Variants in RPS6KA2 observed in about 807,000 individuals in gnomAD.
RPS6KA2 encodes ribosomal protein S6 kinase alpha-2.
In RPS6KA2, 42 loss-of-function variants were observed where a neutral mutation model predicts 91.8. The observed-to-expected ratio is 0.46, with a 90% CI of 0.36 to 0.59. The LOEUF (loss-of-function observed/expected upper bound fraction) is 0.59. RPS6KA2 is among the 20% of genes least tolerant of loss of function. The probability of loss-of-function intolerance (pLI) is 0.00; values close to 1 mark genes in which losing one functional copy is unlikely to be tolerated. For missense variants in RPS6KA2, 798 were observed against 978.5 expected (o/e 0.82, Z 2.46); for synonymous variants, 414 against 393.6 (o/e 1.05, Z -0.61).
chr6:166,555,794 C>T (rs1417704554), intron 1 of RPS6KA2, among the ~76,000 whole-genome samples: 1 of 152,166 alleles, frequency 6.6e-6, no homozygotes, highest in Non-Finnish European at 1.5e-5. Flanking sequence ...CCAGATAGGT[C>T]CTTCATCTGG....
intron 1 of RPS6KA2, among the ~76,000 whole-genome samples, chr6:166,583,659 G>C (rs544078336): frequency 6.6e-6 from 1 of 152,302 alleles, no homozygotes; most frequent in East Asian, 1.9e-4. Context: ...ATTCCTGAGT[G>C]CTTATTAAAG....
At position 166,432,826 on chromosome 6, in the gene RPS6KA2, C is replaced by A. The variant is rs931034251; in HGVS notation, c.1333-336G>T. On this transcript the variant is annotated intron_variant, in intron 14 of 20. Transcript: ENST00000265678. ...CTTGGCTAACATGACAAAACCTGGT[C>A]TCTACTAAAAATACAAATATTAGCC... Among the ~76,000 whole-genome samples the A allele has an allele frequency of 4.6e-5, 7 of 151,966 alleles. No homozygotes were observed. In the East Asian group the frequency reaches 1.3e-3, roughly 29 times the overall value.
At chr6:166,839,803 C>A (rs1252698866) in intron 2 of RPS6KA2, among the ~76,000 whole-genome samples, 1 of 150,220 alleles carries the variant, frequency 6.7e-6, no homozygotes, top group Non-Finnish European at 1.5e-5. Flanking sequence ...CTCCCTTGGG[C>A]TTCCACAAGG....
At chr6:166,697,099 G>GTA (rs1789382193) in intron 2 of RPS6KA2, among the ~76,000 whole-genome samples, 1 of 81,172 alleles carries the variant, frequency 1.2e-5, no homozygotes, top group Non-Finnish European at 2.4e-5. Flanking sequence ...GTGTGTATAT[G>GTA]TGTGTGTGTA....
chr6:166,650,345 G>T (rs1234202236), intron 2 of RPS6KA2, among the ~76,000 whole-genome samples: 4 of 152,002 alleles, frequency 2.6e-5, no homozygotes, highest in Non-Finnish European at 1.5e-5. Flanking sequence ...CAGGAACTGG[G>T]GTAGCAAGAA....
intron 3 of RPS6KA2, among the ~76,000 whole-genome samples, chr6:166,524,327 T>G (rs1018009730): frequency 6.6e-6 from 1 of 152,174 alleles, no homozygotes; most frequent in East Asian, 1.9e-4. Flanking sequence ...AGAAAAATCA[T>G]CATTACCAAG....
chr6:166,701,061 C>A, intron 2 of RPS6KA2: 1 of 1,470,632 alleles, frequency 6.8e-7, no homozygotes, highest in South Asian at 1.1e-5. Context: ...TTTGGTTTGG[C>A]ATCTGCCTCC....
intron 2 of RPS6KA2, among the ~76,000 whole-genome samples, chr6:166,696,400 C>T (rs1789360262): frequency 6.6e-6 from 1 of 152,178 alleles, no homozygotes; most frequent in African/African-American, 2.4e-5. Flanking sequence ...CCTGGACTTA[C>T]CTTCTGAGCT....
intron 1 of RPS6KA2, among the ~76,000 whole-genome samples, chr6:166,591,233 T>C (rs1446425404): frequency 2.0e-5 from 3 of 151,936 alleles, no homozygotes; most frequent in African/African-American, 7.3e-5. Context: ...TGGGGGCACC[T>C]CGGAAAGATG....
At chr6:166,514,870 G>T (rs1250194249) in intron 3 of RPS6KA2, among the ~76,000 whole-genome samples, 1 of 152,218 alleles carries the variant, frequency 6.6e-6, no homozygotes, top group African/African-American at 2.4e-5. Flanking sequence ...GACTGGTGGA[G>T]AAATTAGCCA....
intron 2 of RPS6KA2, among the ~76,000 whole-genome samples, chr6:166,640,661 G>T (rs1787401539): frequency 6.6e-6 from 1 of 152,218 alleles, no homozygotes; most frequent in Non-Finnish European, 1.5e-5. Flanking sequence ...AAGTGTGGCT[G>T]GTCCGATAGT....
At chr6:166,791,074 C>T (rs372369648) in intron 2 of RPS6KA2, among the ~76,000 whole-genome samples, 1 of 152,034 alleles carries the variant, frequency 6.6e-6, no homozygotes, top group South Asian at 2.1e-4. Context: ...CTGGCAAATT[C>T]GATAAAGAGT....
chr6:166,504,716 G>A, intron 5 of RPS6KA2, 104 bp from the exon 6 acceptor site: 1 of 773,866 alleles, frequency 1.3e-6, no homozygotes, highest in East Asian at 2.6e-5. Flanking sequence ...CCACACTGGG[G>A]TCAGTTTGCT....
chr6:166,785,347 G>C (rs550586991), intron 2 of RPS6KA2, among the ~76,000 whole-genome samples: 1 of 152,316 alleles, frequency 6.6e-6, no homozygotes, highest in East Asian at 1.9e-4. Flanking sequence ...CTCCTCCCTA[G>C]GTCGCTGGCT....
chr6:166,853,058 T>A (rs1780787573), intron 2 of RPS6KA2, among the ~76,000 whole-genome samples: 1 of 152,222 alleles, frequency 6.6e-6, no homozygotes. Context: ...CAATAACACC[T>A]GGATCTGGTT....
At chr6:166,578,753 C>A (rs553734068) in intron 1 of RPS6KA2, among the ~76,000 whole-genome samples, 1 of 152,212 alleles carries the variant, frequency 6.6e-6, no homozygotes, top group African/African-American at 2.4e-5. Context: ...CTGGAGCAGG[C>A]CTACTCAATC....
At chr6:166,804,400 G>A (rs1456014396) in intron 2 of RPS6KA2, among the ~76,000 whole-genome samples, 1 of 151,722 alleles carries the variant, frequency 6.6e-6, no homozygotes, top group Non-Finnish European at 1.5e-5. Flanking sequence ...TAAATACTCA[G>A]TGGATTCACA....
intron 2 of RPS6KA2, among the ~76,000 whole-genome samples, chr6:166,857,014 A>G (rs543468426): frequency 1.3e-5 from 2 of 152,196 alleles, no homozygotes; most frequent in East Asian, 1.9e-4. Flanking sequence ...AATGCACAGA[A>G]CCGAAAGGCA....
rs1778441797 is a variant in RPS6KA2, at chr6:166,770,678, C to G, written c.123+87522G>C. On this transcript the variant is annotated intron_variant, in intron 2 of 21. Coordinates refer to the RPS6KA2 transcript ENST00000503859. This position sits in a 1 kb window ranked among gnomAD's most constrained non-coding sequence, Gnocchi z 5.1. The stretch of plus-strand genomic sequence containing the variant: ...AAGCACTCGGATTCCCCACAGGATG[C>G]CAAAAAATTCACATTTTCCTGTGGA... 1.3e-5 allele frequency among the ~76,000 whole-genome samples: 2 copies of G among 152,130 alleles called. No homozygotes were observed. The highest frequency in any genetic ancestry group is 4.8e-5 in the African/African-American group (2 of 41,406).
Sources: gnomAD v4.1 joint callset for allele counts (sites outside exome capture counted in the v4.1 genomes callset) on GRCh38, gnomAD v4.1.1 for gene constraint, Gnocchi (gnomAD v3.1) non-coding constraint, MANE v1.5 for transcripts, NCBI Gene and HGNC (gene_info 2026-07-23, HGNC 2026-07-21) for gene names.